Variants in NRF1 observed in about 807,000 individuals in gnomAD.
The protein encoded by NRF1 is nuclear respiratory factor 1, also known as alpha palindromic-binding protein.
In NRF1, 5 loss-of-function variants were observed where a neutral mutation model predicts 58.5. That is an observed-to-expected ratio of 0.09 (90% CI 0.04 to 0.18). NRF1 has a LOEUF of 0.18. NRF1 is among the 10% of genes least tolerant of loss of function. The pLI, the probability that NRF1 is intolerant of heterozygous loss-of-function variation, is 1.00. For missense variants in NRF1, 288 were observed against 657.7 expected, an observed-to-expected ratio of 0.44 and a Z score of 6.15; for synonymous variants, 224 against 246.7, an observed-to-expected ratio of 0.91 and a Z score of 0.86.
At chr7:129,746,426 T>G (rs907247790) in intron 10 of NRF1, among the ~76,000 whole-genome samples, 4 of 152,134 alleles carry the variant, frequency 2.6e-5, no homozygotes, top group Non-Finnish European at 5.9e-5. Context: ...TAGACTAGCT[T>G]CTTTACTGAT....
At position 129,671,771 on chromosome 7, in the gene NRF1, A is replaced by G. The variant is rs566925692; in HGVS notation, c.338+228A>G. On this transcript the variant is annotated intron_variant, in intron 3 of 10. Transcript: ENST00000393232. ...CATTCAGAAAAGTTGTATGCCTGCT[A>G]TGTGCAAGCCATTGTTGTAGACATT... 2.6e-5 allele frequency among the ~76,000 whole-genome samples: 4 copies of G among 152,356 alleles called. No homozygotes were observed. In the South Asian group the frequency reaches 8.3e-4, roughly 32 times the overall value.
chr7:129,742,613 C>T (rs898767840), intron 10 of NRF1, among the ~76,000 whole-genome samples: 1 of 152,178 alleles, frequency 6.6e-6, no homozygotes, highest in Non-Finnish European at 1.5e-5. Flanking sequence ...GAACCTGTGA[C>T]TTAAATAAGG....
intron 4 of NRF1, 74 bp downstream of exon 4, chr7:129,677,832 C>G (rs548835185): frequency 6.4e-7 from 1 of 1,568,268 alleles, no homozygotes; most frequent in South Asian, 1.2e-5. Flanking sequence ...GATCCTCTGT[C>G]AAGTATAACA....
intron 6 of NRF1, among the ~76,000 whole-genome samples, chr7:129,709,844 T>C (rs1275718539): frequency 6.6e-6 from 1 of 151,386 alleles, no homozygotes; most frequent in African/African-American, 2.4e-5. Flanking sequence ...AATTCTTCTG[T>C]CTCAGCCTCC....
At chr7:129,634,366 C>G (rs1392521160) in intron 1 of NRF1, among the ~76,000 whole-genome samples, 1 of 152,054 alleles carries the variant, frequency 6.6e-6, no homozygotes, top group Non-Finnish European at 1.5e-5. Flanking sequence ...TTTCTCTAAC[C>G]CCTGACAACT....
At chr7:129,734,444 A>C (rs370127405) in intron 10 of NRF1, among the ~76,000 whole-genome samples, 281 of 152,354 alleles carry the variant, frequency 1.8e-3, no homozygotes, top group Middle Eastern at 3.4e-3. Context: ...TTGTTGAACA[A>C]ATAAATTTGG....
intron 1 of NRF1, among the ~76,000 whole-genome samples, chr7:129,625,837 A>G (rs986104430): frequency 1.3e-5 from 2 of 151,952 alleles, no homozygotes; most frequent in African/African-American, 4.8e-5. Context: ...GCCTGCCACC[A>G]CACCTGGCTA....
chr7:129,754,066 G>A (rs936340236), intron 10 of NRF1, among the ~76,000 whole-genome samples: 3 of 152,150 alleles, frequency 2.0e-5, no homozygotes, highest in Non-Finnish European at 2.9e-5. Flanking sequence ...TCCTAGATGC[G>A]GAGGCAGGCA....
At chr7:129,733,465 C>CAAAA (rs11378403) in intron 10 of NRF1, among the ~76,000 whole-genome samples, 1 of 143,518 alleles carries the variant, frequency 7.0e-6, no homozygotes. Context: ...GACTCCGTCT[C>CAAAA]AAAAAAAAAA....
intron 2 of NRF1, among the ~76,000 whole-genome samples, chr7:129,668,653 C>G (rs1014329093): frequency 6.6e-6 from 1 of 151,980 alleles, no homozygotes; most frequent in African/African-American, 2.4e-5. Flanking sequence ...TATTACTTGG[C>G]AACAAAAAGG....
intron 1 of NRF1, among the ~76,000 whole-genome samples, chr7:129,612,791 A>T (rs1035747473): frequency 6.6e-6 from 1 of 152,122 alleles, no homozygotes; most frequent in African/African-American, 2.4e-5. Context: ...TCGTGCAATG[A>T]TGTCTGCTGC....
intron 10 of NRF1, among the ~76,000 whole-genome samples, chr7:129,729,831 C>G (rs1282730516): frequency 6.6e-6 from 1 of 152,028 alleles, no homozygotes; most frequent in East Asian, 1.9e-4. Context: ...TTTGTTGCTT[C>G]TTTTTGTTTT....
intron 1 of NRF1, among the ~76,000 whole-genome samples, chr7:129,639,740 G>A (rs1392723554): frequency 6.6e-6 from 1 of 151,966 alleles, no homozygotes; most frequent in Middle Eastern, 3.2e-3. Context: ...TAGAAACAGG[G>A]TTTCACCATG....
At chr7:129,635,114 A>C (rs1160331262) in intron 1 of NRF1, among the ~76,000 whole-genome samples, 3 of 152,140 alleles carry the variant, frequency 2.0e-5, no homozygotes, top group African/African-American at 4.8e-5. Context: ...GTCCTTTCTC[A>C]GGGTCTCTAG....
rs184320878 is a variant in NRF1 at position 129,698,541 on chromosome 7, C to T, written c.606+7995C>T. Reference sequence around the variant, plus strand: ...CTTAGTTTGGGGTAGGTTCTGTAACCCCAGAATTCATTTACAATGAAGTCT... The same window carrying T: ...CTTAGTTTGGGGTAGGTTCTGTAACTCCAGAATTCATTTACAATGAAGTCT... On this transcript the variant is annotated intron_variant, in intron 5 of 10. Transcript: ENST00000393232. 1.1e-3 allele frequency among the ~76,000 whole-genome samples: 169 copies of T among 151,944 alleles called. 1 individual carries two copies. Among genetic ancestry groups the T allele is most frequent in the Non-Finnish European group, 1.8e-3 (124 of 67,952 alleles).
chr7:129,627,893 C>A (rs1476917745), intron 1 of NRF1, among the ~76,000 whole-genome samples: 1 of 152,012 alleles, frequency 6.6e-6, no homozygotes, highest in African/African-American at 2.4e-5. Flanking sequence ...TAAATTATTT[C>A]AAGAGCCTGG....
In NRF1 at chr7:129,731,476, A is replaced by G. The variant is rs1421438743; in HGVS notation, c.1348+4111A>G. Among the ~76,000 whole-genome samples, 11 of 152,314 alleles carry G rather than the reference A, an allele frequency of 7.2e-5. No homozygotes were observed. In the South Asian group the frequency reaches 1.4e-3, roughly 20 times the overall value. On this transcript the variant is annotated intron_variant, in intron 10 of 10. Transcript: ENST00000393232. The stretch of plus-strand genomic sequence containing the variant: ...ATTTCTATGTTCTCTGTCTTTTTCA[A>G]TAGAGTCTTTGGTCTCTTAGGATGG...
intron 5 of NRF1, among the ~76,000 whole-genome samples, chr7:129,694,511 T>TG (rs914122910): frequency 6.6e-5 from 10 of 152,172 alleles, no homozygotes; most frequent in African/African-American, 2.4e-4. Flanking sequence ...ACTACAGGCA[T>TG]GCGCCACCAT....
intron 1 of NRF1, among the ~76,000 whole-genome samples, chr7:129,619,445 CACAT>C (rs1462965759): frequency 1.6e-4 from 16 of 100,460 alleles, no homozygotes; most frequent in Non-Finnish European, 2.4e-4. Context: ...CACACACACA[CACAT>C]ATATATACAC....
Sources: allele counts gnomAD v4.1 joint callset (sites outside exome capture counted in the v4.1 genomes callset), GRCh38; gene constraint gnomAD v4.1.1; transcripts MANE v1.5; gene names NCBI Gene and HGNC (gene_info 2026-07-23, HGNC 2026-07-21).